The following TUSC3 variants were observed in gnomAD, a reference collection of about 807,000 sequenced individuals.
TUSC3 encodes the protein dolichyl-diphosphooligosaccharide--protein glycosyltransferase subunit TUSC3.
Under a neutral mutation model 44.8 loss-of-function variants are expected in TUSC3, and 45 were observed. The ratio of observed to expected loss-of-function variants is 1.00; its 90% CI spans 0.79 to 1.29. TUSC3 has a LOEUF of 1.29. Among genes scored for constraint, TUSC3 ranks in the 50% most tolerant of loss-of-function variants. The pLI, the probability that TUSC3 is intolerant of heterozygous loss-of-function variation, is 0.00. For missense variants in TUSC3, 519 were observed against 437.9 expected (o/e 1.19, Z -1.65); for synonymous variants, 212 against 152.9 (o/e 1.39, Z -2.85).
chr8:15,806,735 T>C, the TUSC3 span: 54 of 796,702 alleles, frequency 6.8e-5, 2 homozygotes, highest in South Asian at 8.0e-4. Flanking sequence ...CAGAGAGGCT[T>C]TCACATGCTA....
At chr8:15,809,754 T>G in the TUSC3 span, among the ~76,000 whole-genome samples, 4 of 152,212 alleles carry the variant, frequency 2.6e-5, no homozygotes, top group South Asian at 2.1e-4. Context: ...CTGTAGCAAG[T>G]GCAACCACGG....
intron 10 of TUSC3, 35 bp from the exon 11 acceptor site, chr8:15,764,168 A>T (rs758037861): frequency 1.3e-6 from 2 of 1,564,860 alleles, no homozygotes; most frequent in African/African-American, 1.4e-5. Flanking sequence ...CTTATGTTCT[A>T]TGTTCAGCAC....
intron 1 of TUSC3, among the ~76,000 whole-genome samples, chr8:15,447,705 TTTAC>T (rs1339662928): frequency 3.3e-5 from 5 of 152,000 alleles, no homozygotes; most frequent in Admixed American, 6.6e-5. Flanking sequence ...TTTTTTTTTT[TTTAC>T]TTACTTTTAT....
At chr8:15,473,520 C>T (rs907905875) in intron 1 of TUSC3, among the ~76,000 whole-genome samples, 1 of 152,174 alleles carries the variant, frequency 6.6e-6, no homozygotes. Flanking sequence ...AACCCACCCC[C>T]ACTATTTCAA....
At chr8:15,566,200 C>T (rs6991532) in intron 1 of TUSC3, among the ~76,000 whole-genome samples, 5,029 of 152,110 alleles carry the variant, frequency 0.033, 227 homozygotes, top group African/African-American at 0.1. Context: ...TGTAATATAT[C>T]TTTTGCCATG....
chr8:15,809,542 T>C, the TUSC3 span, among the ~76,000 whole-genome samples: 9 of 152,210 alleles, frequency 5.9e-5, no homozygotes, highest in African/African-American at 2.2e-4. Context: ...CTATATATGT[T>C]GTTTTTCCTA....
chr8:15,777,469 T>G, the TUSC3 span, among the ~76,000 whole-genome samples: 4 of 152,214 alleles, frequency 2.6e-5, no homozygotes, highest in African/African-American at 9.6e-5. Context: ...TGTATGCTGC[T>G]TAAATACACA....
chr8:15,483,947 G>T (rs376979655), intron 2 of TUSC3, among the ~76,000 whole-genome samples: 1 of 151,958 alleles, frequency 6.6e-6, no homozygotes, highest in African/African-American at 2.4e-5. Context: ...GTGAGCCACC[G>T]CGCCTGGCCT....
At chr8:15,776,683 T>A in the TUSC3 span, among the ~76,000 whole-genome samples, 1 of 152,200 alleles carries the variant, frequency 6.6e-6, no homozygotes, top group Non-Finnish European at 1.5e-5. Context: ...ATCCCTATAC[T>A]CAATAATTGG....
chr8:15,797,681 A>G, the TUSC3 span, among the ~76,000 whole-genome samples: 2 of 152,214 alleles, frequency 1.3e-5, no homozygotes, highest in African/African-American at 2.4e-5. Flanking sequence ...CGGGGAGTAC[A>G]GCAACCATAC....
At position 15,581,911 on chromosome 8, in the gene TUSC3, G is replaced by A. The variant is rs964666440; in HGVS notation, c.139-41169G>A. ...TGGCGGGCGCCCCTCCCCCAGCCTC[G>A]CTGCCGCCTTGCAGTTTGATCTCAG... On this transcript the variant is annotated intron_variant, in intron 1 of 10. Coordinates refer to ENST00000503731, the MANE Select transcript of TUSC3 (RefSeq NM_006765.4). Among the ~76,000 whole-genome samples the A allele has an allele frequency of 8.2e-4, 120 of 145,928 alleles. 2 individuals carry two copies. The highest frequency in any genetic ancestry group is 2.5e-3 in the Admixed American group (37 of 14,812).
rs138964618 is a variant in TUSC3, at chr8:15,476,316, A to G, written n.92-7070A>G. Reference sequence around the variant, plus strand: ...TATGTCTTTTTTCTTAATGTGTTCTATTCCTCTGCGTTCTATTATACTTTA... The same window carrying G: ...TATGTCTTTTTTCTTAATGTGTTCTGTTCCTCTGCGTTCTATTATACTTTA... On this transcript the variant is annotated intron_variant and non_coding_transcript_variant, in intron 1 of 5. Coordinates refer to the TUSC3 transcript ENST00000503191. Among the ~76,000 whole-genome samples, 699 of 152,292 alleles carry G rather than the reference A, an allele frequency of 4.6e-3. 7 individuals carry two copies. Among genetic ancestry groups the G allele is most frequent in the African/African-American group, 0.016 (673 of 41,546 alleles).
intron 1 of TUSC3, among the ~76,000 whole-genome samples, chr8:15,478,653 T>C (rs1585059533): frequency 6.6e-6 from 1 of 152,320 alleles, no homozygotes; most frequent in East Asian, 1.9e-4. Context: ...TATATATCCC[T>C]ACCACATTTT....
chr8:15,851,959 C>G, the TUSC3 span, among the ~76,000 whole-genome samples: 4 of 152,078 alleles, frequency 2.6e-5, no homozygotes, highest in African/African-American at 9.7e-5. Flanking sequence ...GGGGAAATCC[C>G]TTTTGCTTGG....
At chr8:15,843,287 G>C in the TUSC3 span, among the ~76,000 whole-genome samples, 1 of 152,032 alleles carries the variant, frequency 6.6e-6, no homozygotes, top group East Asian at 1.9e-4. Flanking sequence ...TATGTTTTCT[G>C]ATAAAAGTTT....
chr8:15,564,427 G>T (rs536948102), intron 1 of TUSC3, among the ~76,000 whole-genome samples: 2 of 152,038 alleles, frequency 1.3e-5, no homozygotes, highest in African/African-American at 4.8e-5. Context: ...ACTGTCTACC[G>T]TATATTATTA....
intron 1 of TUSC3, among the ~76,000 whole-genome samples, chr8:15,609,247 C>G (rs999466317): frequency 6.6e-6 from 1 of 151,896 alleles, no homozygotes; most frequent in African/African-American, 2.4e-5. Flanking sequence ...TAATATGTGG[C>G]CATTAATAGT....
At chr8:15,444,541 C>T (rs1034658074) in intron 1 of TUSC3, among the ~76,000 whole-genome samples, 1 of 152,094 alleles carries the variant, frequency 6.6e-6, no homozygotes, top group Non-Finnish European at 1.5e-5. Context: ...GATGACGAAC[C>T]TGATCAGATA....
chr8:15,459,787 G>A (rs542376328), intron 1 of TUSC3, among the ~76,000 whole-genome samples: 5 of 151,978 alleles, frequency 3.3e-5, no homozygotes, highest in African/African-American at 7.3e-5. Flanking sequence ...CGGTCAATGC[G>A]AGTGCCATTA....
Sources: allele counts gnomAD v4.1 joint callset (sites outside exome capture counted in the v4.1 genomes callset), GRCh38; gene constraint gnomAD v4.1.1; transcripts MANE v1.5; gene names NCBI Gene and HGNC (gene_info 2026-07-23, HGNC 2026-07-21).